Variants in FAM114A2 observed in about 807,000 individuals in gnomAD.
FAM114A2 encodes the protein protein FAM114A2.
FAM114A2 carries 53 observed loss-of-function variants against 58.4 expected under a neutral mutation model. The ratio of observed to expected loss-of-function variants is 0.91; its 90% CI spans 0.73 to 1.14. The LOEUF (loss-of-function observed/expected upper bound fraction) is 1.14, where lower values mean the gene tolerates loss of function less well. FAM114A2 is among the 50% of genes most tolerant of loss of function. FAM114A2 has a pLI of 0.00. For synonymous variants in FAM114A2, 228 were observed against 211.4 expected, an observed-to-expected ratio of 1.08 and a Z score of -0.68; for missense variants, 601 against 581.1, an observed-to-expected ratio of 1.03 and a Z score of -0.35.
intron 8 of FAM114A2, among the ~76,000 whole-genome samples, chr5:154,018,538 C>A (rs981863386): frequency 2.0e-5 from 3 of 151,918 alleles, no homozygotes; most frequent in African/African-American, 7.2e-5. Context: ...AAAGAGGGAA[C>A]CCTCACTAAA....
At position 154,011,243 on chromosome 5, in the gene FAM114A2, T is replaced by G; in HGVS notation, c.991A>C (p.Arg331=). Residue 331 remains arginine (R), a splice_region_variant and synonymous_variant, in exon 9 of 14, where the codon AGG becomes CGG. Transcript: ENST00000351797. ...ATCACCAAGAAGCAATAACTTACCC[T>G]GGCAAGTTTCTCTGGTTTGGAGGAA... ...HVSSKPEKLA[R]ARNTAHEWIR... 6.2e-7 allele frequency: 1 copy of G among 1,602,346 alleles called. No individual in the cohort carries two copies. Among genetic ancestry groups the G allele is most frequent in the Admixed American group, 1.7e-5 (1 of 59,688 alleles).
chr5:154,027,427 G>T, intron 6 of FAM114A2, 93 bp from the exon 7 acceptor site: 6 of 1,082,572 alleles, frequency 5.5e-6, no homozygotes, highest in South Asian at 1.7e-5. Context: ...AGACAGGTTA[G>T]AGTACAGAGG....
intron 6 of FAM114A2, 138 bp downstream of exon 6, chr5:154,028,011 G>C: frequency 1.5e-6 from 1 of 681,542 alleles, no homozygotes; most frequent in East Asian, 2.6e-5. Context: ...ACCCATCCCT[G>C]ATCCCCCCAA....
chr5:154,016,797 A>C (rs962251053), intron 8 of FAM114A2, among the ~76,000 whole-genome samples: 6 of 152,188 alleles, frequency 3.9e-5, no homozygotes, highest in African/African-American at 1.4e-4. Flanking sequence ...GTAATGTTGA[A>C]TGTAAATGGC....
chr5:153,998,236 T>C (rs943510585), intron 11 of FAM114A2, among the ~76,000 whole-genome samples: 1 of 152,240 alleles, frequency 6.6e-6, no homozygotes, highest in Non-Finnish European at 1.5e-5. Flanking sequence ...CACTCATTAG[T>C]CAGCTATTAA....
At chr5:153,999,232 T>TA (rs1476196855) in intron 11 of FAM114A2, among the ~76,000 whole-genome samples, 1 of 152,042 alleles carries the variant, frequency 6.6e-6, no homozygotes, top group African/African-American at 2.4e-5. Context: ...GACCAACAGA[T>TA]ACACGAAAAA....
chr5:154,022,816 A>T (rs919788457), intron 8 of FAM114A2, among the ~76,000 whole-genome samples: 1 of 152,190 alleles, frequency 6.6e-6, no homozygotes, highest in East Asian at 1.9e-4. Context: ...AAATCATGCT[A>T]CTATGAGGAC....
At chr5:154,024,209 A>G (rs1421109456) in intron 8 of FAM114A2, among the ~76,000 whole-genome samples, 1 of 152,148 alleles carries the variant, frequency 6.6e-6, no homozygotes, top group East Asian at 1.9e-4. Flanking sequence ...TAATTCTCAA[A>G]CTTGTTGGTC....
chr5:154,003,444 G>A (rs1195983857), intron 9 of FAM114A2, among the ~76,000 whole-genome samples: 2 of 152,216 alleles, frequency 1.3e-5, no homozygotes, highest in East Asian at 3.9e-4. Flanking sequence ...CTCCCAAAGT[G>A]CTGGGATTAC....
At chr5:154,033,961 A>C (rs746442165) in intron 3 of FAM114A2, 78 bp from the exon 4 acceptor site, 39 of 889,310 alleles carry the variant, frequency 4.4e-5, no homozygotes, top group Non-Finnish European at 6.5e-5. Flanking sequence ...GAAGATTTTT[A>C]AAATCATTTA....
chr5:154,026,834 T>G (rs1298230492), intron 7 of FAM114A2, among the ~76,000 whole-genome samples: 15 of 148,234 alleles, frequency 1.0e-4, no homozygotes, highest in Admixed American at 9.5e-4. Context: ...GTACACAAAT[T>G]GGCAGCTCAA....
intron 12 of FAM114A2, among the ~76,000 whole-genome samples, chr5:153,996,794 C>T (rs1389798216): frequency 2.6e-5 from 4 of 151,704 alleles, no homozygotes; most frequent in Non-Finnish European, 4.4e-5. Context: ...GTCGGGAGTT[C>T]GAGACCAGCT....
intron 5 of FAM114A2, 64 bp downstream of exon 5, chr5:154,029,425 G>T: frequency 2.2e-6 from 2 of 927,008 alleles, no homozygotes; most frequent in South Asian, 1.3e-5. Flanking sequence ...AAAAGAGAGA[G>T]AAAGATATGC....
At chr5:154,033,120 G>C (rs947004585) in intron 4 of FAM114A2, among the ~76,000 whole-genome samples, 1 of 152,164 alleles carries the variant, frequency 6.6e-6, no homozygotes, top group Non-Finnish European at 1.5e-5. Flanking sequence ...TCAATATAAA[G>C]CTGGAGCTGA....
rs374622249 is a variant in FAM114A2, at chr5:154,007,978, T to A, written c.993+3263A>T. 2.6e-5 allele frequency among the ~76,000 whole-genome samples: 4 copies of A among 152,228 alleles called. No individual in the cohort carries two copies. The East Asian group carries it at 7.7e-4, about 29-fold the overall frequency. ...AAGTAATAGGTAGTAGAGCTGGAAT[T>A]TTAAGGAGTAGGTATGTACAGATCC... On this transcript the variant is annotated intron_variant, in intron 9 of 13. Coordinates refer to ENST00000351797, the MANE Select transcript of FAM114A2 (RefSeq NM_018691.4).
intron 8 of FAM114A2, among the ~76,000 whole-genome samples, chr5:154,025,722 A>C (rs1350598053): frequency 1.3e-5 from 2 of 152,158 alleles, no homozygotes; most frequent in Admixed American, 6.6e-5. Context: ...AAGGTCAGTT[A>C]GTGTATATCT....
chr5:154,028,165 T>G lies in FAM114A2; in HGVS notation c.614A>C (p.Asn205Thr). ...AATCAGTACCTGAGATAGTGTAGCA[T>G]TTCGGTTCATCAGACCCTTGGTTCT... ...FKRTKGLMNR[N>T]ATLSQVLREA... The change falls in exon 6 of 14, where the codon AAT (asparagine) becomes ACT (threonine). Residue 205 changes from asparagine (N) to threonine (T), a missense_variant. By Grantham distance (65) the Asn-to-Thr change is moderately conservative. Coordinates refer to ENST00000351797, the MANE Select transcript of FAM114A2 (RefSeq NM_018691.4). 1 of 1,611,888 alleles carries G rather than the reference T, an allele frequency of 6.2e-7. No homozygotes were observed. Among genetic ancestry groups the G allele is most frequent in the Non-Finnish European group, 8.5e-7 (1 of 1,178,798 alleles).
intron 9 of FAM114A2, among the ~76,000 whole-genome samples, chr5:154,010,499 G>C (rs1770619806): frequency 6.6e-6 from 1 of 152,076 alleles, no homozygotes; most frequent in Non-Finnish European, 1.5e-5. Flanking sequence ...CAAGGTGACT[G>C]GGTTGACTAT....
intron 8 of FAM114A2, 69 bp from the exon 9 acceptor site, chr5:154,011,389 A>G (rs1244454526): frequency 9.9e-7 from 1 of 1,008,880 alleles, no homozygotes; most frequent in African/African-American, 1.6e-5. Flanking sequence ...GCAGGCGAGG[A>G]GGAAGAGGAG....
Sources: allele counts gnomAD v4.1 joint callset (sites outside exome capture counted in the v4.1 genomes callset), GRCh38; gene constraint gnomAD v4.1.1; transcripts MANE v1.5; gene names NCBI Gene and HGNC (gene_info 2026-07-23, HGNC 2026-07-21).